The following STON2 variants were observed in gnomAD, a reference collection of about 807,000 sequenced individuals.
STON2 encodes the protein stonin 2.
Under a neutral mutation model 65.7 loss-of-function variants are expected in STON2, and 29 were observed. The observed-to-expected ratio is 0.44, with a 90% CI of 0.33 to 0.60. STON2 has a LOEUF of 0.60. STON2 is among the 20% of genes least tolerant of loss of function. The probability of loss-of-function intolerance (pLI) is 0.03; values close to 1 mark genes in which losing one functional copy is unlikely to be tolerated. For missense variants in STON2, 1,054 were observed against 1,118.1 expected (o/e 0.94, Z 0.82); for synonymous variants, 404 against 414.2 (o/e 0.98, Z 0.30).
intron 3 of STON2, among the ~76,000 whole-genome samples, chr14:81,384,092 CA>C (rs1192475845): frequency 2.0e-5 from 3 of 152,102 alleles, no homozygotes; most frequent in Non-Finnish European, 4.4e-5. Flanking sequence ...CCATTTCCCC[CA>C]GGTCTTCACT....
chr14:81,273,623 T>A (rs1595272117), intron 6 of STON2, among the ~76,000 whole-genome samples: 1 of 151,916 alleles, frequency 6.6e-6, no homozygotes, highest in African/African-American at 2.4e-5. Flanking sequence ...GTGGCTGGGC[T>A]GGGCCAGGCT....
At chr14:81,397,749 C>T (rs1900397060) in intron 2 of STON2, among the ~76,000 whole-genome samples, 1 of 152,180 alleles carries the variant, frequency 6.6e-6, no homozygotes, top group Admixed American at 6.5e-5. Context: ...GATGACCGTA[C>T]TGAGCTCTTT....
In STON2 at chr14:81,266,806, CCACACACATAAACA is replaced by C. The variant is rs1005313343; in HGVS notation, c.*1594_*1607del. ...CTTCCTAACACCGTTCCCATCAACA[CCACACACATAAACA>C]CACACAAACACACACATCCACAAAC... On this transcript the variant is annotated 3_prime_UTR_variant, in exon 8 of 8. Transcript: ENST00000614646. 1.1e-6 allele frequency: 1 copy of C among 894,164 alleles called. No individual in the cohort carries two copies. Among genetic ancestry groups the C allele is most frequent in the African/African-American group, 4.3e-5 (1 of 23,370 alleles). The allele number at this position is 894,164 out of a possible 1,614,324, so 55.4% of individuals were successfully genotyped here. A position where few individuals can be genotyped will look rare whatever the true frequency, so the allele number is the denominator to read the frequency against.
intron 3 of STON2, among the ~76,000 whole-genome samples, chr14:81,376,819 T>C (rs377641639): frequency 1.4e-4 from 21 of 152,294 alleles, no homozygotes; most frequent in African/African-American, 4.3e-4. Context: ...AGTTATCCAA[T>C]TTATACAAGG....
rs529927245 is a variant in STON2, at chr14:81,269,339, G to A, written c.2785-842C>T. 218 of 985,296 alleles carry A rather than the reference G, an allele frequency of 2.2e-4. 2 individuals are homozygous for A. In the African/African-American group the frequency reaches 3.1e-3, roughly 14 times the overall value. 61.0% of individuals were successfully genotyped at this position (985,296 alleles called of 1,614,324 possible). On this transcript the variant is annotated intron_variant, in intron 7 of 7. Transcript: ENST00000614646. ...TACTTTCTCTCTTTAGAAAACCTCCGAACTGATAAATACTGGAATGTTTAC... is the reference window on the plus strand; with the variant it reads ...TACTTTCTCTCTTTAGAAAACCTCCAAACTGATAAATACTGGAATGTTTAC...
At chr14:81,326,104 C>G (rs1896996497) in intron 4 of STON2, among the ~76,000 whole-genome samples, 1 of 152,174 alleles carries the variant, frequency 6.6e-6, no homozygotes, top group Admixed American at 6.6e-5. Flanking sequence ...ACCCAGCACA[C>G]AAGAACGGCA....
chr14:81,431,073 G>A (rs968809209), intron 1 of STON2, among the ~76,000 whole-genome samples: 5 of 152,160 alleles, frequency 3.3e-5, no homozygotes, highest in African/African-American at 1.2e-4. Flanking sequence ...ACAGCTGCAC[G>A]AGGGGGAAAA....
chr14:81,370,505 C>T (rs1041179309), intron 4 of STON2, among the ~76,000 whole-genome samples: 3 of 152,352 alleles, frequency 2.0e-5, no homozygotes, highest in African/African-American at 7.2e-5. Context: ...AGAATAAACA[C>T]TTAACTGCCA....
At position 81,278,625 on chromosome 14, in the gene STON2, A is replaced by G; in HGVS notation, c.857T>C (p.Phe286Ser). ...HPAPPVTSAR[F>S]PSWVTFDDNE... The stretch of plus-strand genomic sequence containing the variant: ...GTCATCAAAGGTGACCCAGCTGGGA[A>G]AACGAGCAGAGGTCACTGGAGGGGC... Residue 286 changes from phenylalanine (F) to serine (S), a missense_variant, in exon 6 of 8, where the codon TTT (phenylalanine) becomes TCT (serine). Coordinates refer to ENST00000614646, the MANE Select transcript of STON2 (RefSeq NM_001394390.1). 6.3e-7 allele frequency: 1 copy of G among 1,585,966 alleles called. No homozygotes were observed. The highest frequency in any genetic ancestry group is 8.6e-7 in the Non-Finnish European group (1 of 1,164,510).
intron 4 of STON2, among the ~76,000 whole-genome samples, chr14:81,330,033 T>A (rs1245690825): frequency 6.6e-6 from 1 of 152,190 alleles, no homozygotes; most frequent in African/African-American, 2.4e-5. Flanking sequence ...CCATCCCACG[T>A]TGGGGGAGAA....
chr14:81,345,906 C>T (rs966644543), intron 4 of STON2, among the ~76,000 whole-genome samples: 4 of 152,158 alleles, frequency 2.6e-5, no homozygotes, highest in African/African-American at 9.7e-5. Context: ...CAATGAGCAT[C>T]CTTGGTACTG....
At chr14:81,377,458 T>C (rs965559071) in intron 3 of STON2, among the ~76,000 whole-genome samples, 3 of 152,236 alleles carry the variant, frequency 2.0e-5, no homozygotes, top group Admixed American at 1.3e-4. Flanking sequence ...CTATTATGGA[T>C]AAAGCTGCTA....
chr14:81,373,440 GTATGGTGGTTAAGATACTT>G (rs1899096096), intron 3 of STON2, among the ~76,000 whole-genome samples: 1 of 152,154 alleles, frequency 6.6e-6, no homozygotes, highest in Non-Finnish European at 1.5e-5. Context: ...ATTTCCTATA[GTATGGTGGTTAAGATACTT>G]TAAACTACTA....
chr14:81,270,837 C>G lies in STON2; in HGVS notation c.2617G>C (p.Glu873Gln). Residue 873 changes from glutamate to glutamine, a missense_variant, in exon 7 of 8, where the codon GAA (glutamate) becomes CAA (glutamine). Coordinates refer to ENST00000614646, the MANE Select transcript of STON2 (RefSeq NM_001394390.1). Reference protein sequence around the residue: ...GHPHCFFCHLELGSDREVPSR... With the variant: ...GHPHCFFCHLQLGSDREVPSR... ...GGCACTTCCCGGTCAGAGCCGAGTTCAAGGTGGCAAAAGAAACAGTGTGGG... is the reference window on the plus strand; with the variant it reads ...GGCACTTCCCGGTCAGAGCCGAGTTGAAGGTGGCAAAAGAAACAGTGTGGG... The G allele has an allele frequency of 6.2e-7, 1 of 1,613,550 alleles. No homozygotes were observed. The highest frequency in any genetic ancestry group is 8.5e-7 in the Non-Finnish European group (1 of 1,180,028).
intron 3 of STON2, among the ~76,000 whole-genome samples, chr14:81,378,494 G>A (rs1899358655): frequency 6.6e-6 from 1 of 152,226 alleles, no homozygotes; most frequent in African/African-American, 2.4e-5. Context: ...GGGATTACAA[G>A]CATGAGCCAC....
intron 5 of STON2, among the ~76,000 whole-genome samples, chr14:81,290,739 A>G (rs1748962602): frequency 6.6e-6 from 1 of 152,190 alleles, no homozygotes; most frequent in African/African-American, 2.4e-5. Flanking sequence ...ATAACCAAAT[A>G]GCTCATGTAT....
At chr14:81,333,827 G>T (rs188218426) in intron 4 of STON2, among the ~76,000 whole-genome samples, 2 of 152,162 alleles carry the variant, frequency 1.3e-5, no homozygotes, top group Non-Finnish European at 2.9e-5. Context: ...TTTTTGTCAG[G>T]AAGTTAGTGT....
At chr14:81,353,017 G>A (rs1055133820) in intron 4 of STON2, among the ~76,000 whole-genome samples, 4 of 152,090 alleles carry the variant, frequency 2.6e-5, no homozygotes, top group Non-Finnish European at 4.4e-5. Flanking sequence ...AGAAAAATAT[G>A]GCTATTTTGG....
intron 4 of STON2, among the ~76,000 whole-genome samples, chr14:81,357,766 T>C (rs1188499920): frequency 2.6e-5 from 4 of 152,050 alleles, no homozygotes; most frequent in Non-Finnish European, 4.4e-5. Context: ...GAAGTCATCA[T>C]TCTCAGTAAA....
Sources: gnomAD v4.1 joint callset for allele counts (sites outside exome capture counted in the v4.1 genomes callset) on GRCh38, gnomAD v4.1.1 for gene constraint, MANE v1.5 for transcripts, NCBI Gene and HGNC (gene_info 2026-07-23, HGNC 2026-07-21) for gene names.